Variants in CACNA1C observed in about 807,000 individuals in gnomAD.
CACNA1C encodes the protein voltage-dependent L-type calcium channel subunit alpha-1C.
CACNA1C carries 30 observed loss-of-function variants against 229.0 expected under a neutral mutation model. That is an observed-to-expected ratio of 0.13 (90% CI 0.10 to 0.18). CACNA1C has a LOEUF of 0.18. Among genes scored for constraint, CACNA1C ranks in the 10% least tolerant of loss-of-function variants. CACNA1C has a pLI of 1.00. For missense variants in CACNA1C, 1,658 were observed against 2,845.0 expected, an observed-to-expected ratio of 0.58 and a Z score of 9.49; for synonymous variants, 1,114 against 1,132.5, an observed-to-expected ratio of 0.98 and a Z score of 0.33.
chr12:2,506,682 C>G (rs1223260334), intron 8 of CACNA1C, among the ~76,000 whole-genome samples: 1 of 152,168 alleles, frequency 6.6e-6, no homozygotes, highest in Non-Finnish European at 1.5e-5. Flanking sequence ...GTGATTTGTA[C>G]AACGTCACTT....
intron 3 of CACNA1C, among the ~76,000 whole-genome samples, chr12:2,278,271 A>G (rs2089709288): frequency 6.6e-6 from 1 of 152,252 alleles, no homozygotes; most frequent in Non-Finnish European, 1.5e-5. Flanking sequence ...TATCTGAGGT[A>G]TAATTGGCAT....
chr12:2,137,877 C>T (rs552183422), intron 3 of CACNA1C, among the ~76,000 whole-genome samples: 4 of 151,408 alleles, frequency 2.6e-5, no homozygotes, highest in East Asian at 1.9e-4. Context: ...TGCCGGGGTC[C>T]GGGAGCGCCA....
intron 3 of CACNA1C, among the ~76,000 whole-genome samples, chr12:2,182,075 G>A (rs527368632): frequency 3.5e-5 from 5 of 144,740 alleles, no homozygotes; most frequent in African/African-American, 1.3e-4. Context: ...AGGTATTGGA[G>A]AAGGGATTTT....
Position 2,410,889 on chromosome 12 carries a change from G to A in CACNA1C, c.478-38087G>A, listed in dbSNP as rs957483933. Among the ~76,000 whole-genome samples, 1 of 146,678 alleles carries A rather than the reference G, an allele frequency of 6.8e-6. No individual in the cohort carries two copies. Among genetic ancestry groups the A allele is most frequent in the African/African-American group, 2.7e-5 (1 of 36,646 alleles). ...GCCTTCCTATCCTTCCCTTCTCCTG[G>A]CTGCCCTATCCTTCCCTTCTCCTGG... On this transcript the variant is annotated intron_variant, in intron 3 of 46. Coordinates refer to ENST00000399655, the MANE Select transcript of CACNA1C (RefSeq NM_000719.7). This position sits in a 1 kb window ranked among gnomAD's most constrained non-coding sequence, Gnocchi z 5.3.
chr12:2,425,675 C>A (rs1668944258), intron 3 of CACNA1C, among the ~76,000 whole-genome samples: 1 of 152,180 alleles, frequency 6.6e-6, no homozygotes, highest in Non-Finnish European at 1.5e-5. Flanking sequence ...GCACTTACCT[C>A]ATTTCCAGCC....
chr12:2,057,279 C>T (rs1203646138), intron 1 of CACNA1C, among the ~76,000 whole-genome samples: 1 of 152,198 alleles, frequency 6.6e-6, no homozygotes, highest in African/African-American at 2.4e-5. Flanking sequence ...TAGTACAGGC[C>T]GCTGCTCAGT....
At chr12:2,659,337 T>C (rs889519246) in intron 34 of CACNA1C, among the ~76,000 whole-genome samples, 1 of 152,248 alleles carries the variant, frequency 6.6e-6, no homozygotes, top group Non-Finnish European at 1.5e-5. Flanking sequence ...GTGTTCCAGT[T>C]TCCTGCAATA....
rs1047209063 is a variant in CACNA1C at position 2,654,418 on chromosome 12, G to A, written c.4140+518G>A. 6.6e-6 allele frequency among the ~76,000 whole-genome samples: 1 copy of A among 152,158 alleles called. No individual in the cohort carries two copies. Among genetic ancestry groups the A allele is most frequent in the Non-Finnish European group, 1.5e-5 (1 of 68,024 alleles). The stretch of plus-strand genomic sequence containing the variant: ...CATCAAATGTGCAGCAGTTTTCTGG[G>A]GCCTCCCCTCCCAGGTGCCCACTGC... On this transcript the variant is annotated intron_variant, in intron 33 of 46. Transcript: ENST00000399655. This position sits in a 1 kb window ranked among gnomAD's most constrained non-coding sequence, Gnocchi z 4.4.
In CACNA1C at chr12:2,692,771, A is replaced by G. The variant is rs1224349979; in HGVS notation, c.*1572A>G. 6.5e-6 allele frequency: 1 copy of G among 152,706 alleles called. No individual in the cohort carries two copies. The highest frequency in any genetic ancestry group is 1.9e-4 in the East Asian group (1 of 5,200). The allele number at this position is 152,706 out of a possible 1,614,324, so 9.5% of individuals were successfully genotyped here. A position where few individuals can be genotyped will look rare whatever the true frequency, so the allele number is the denominator to read the frequency against. ...TAATGTTTCTGTTGAAGAAACCGTTATACTTGAATTCAGGTCAGTTTCAGT... is the reference window on the plus strand; with the variant it reads ...TAATGTTTCTGTTGAAGAAACCGTTGTACTTGAATTCAGGTCAGTTTCAGT... On this transcript the variant is annotated 3_prime_UTR_variant, in exon 47 of 47. Transcript: ENST00000399655.
At chr12:2,685,085 T>G (rs900614517) in intron 43 of CACNA1C, among the ~76,000 whole-genome samples, 2 of 152,220 alleles carry the variant, frequency 1.3e-5, no homozygotes, top group Non-Finnish European at 2.9e-5. Context: ...GTGCAACGCA[T>G]GCACCGAGGG....
chr12:2,079,555 A>G (rs2064647407), intron 1 of CACNA1C, among the ~76,000 whole-genome samples: 1 of 152,184 alleles, frequency 6.6e-6, no homozygotes, highest in Admixed American at 6.5e-5. Flanking sequence ...CTCATGAGGA[A>G]CCATCTTTAT....
Position 2,690,966 on chromosome 12 carries a change from G to A in CACNA1C, c.6184G>A (p.Glu2062Lys). The change falls in exon 47 of 47, where the codon GAG becomes AAG. Residue 2062 changes from glutamate to lysine, a missense_variant. By Grantham distance (56) the Glu-to-Lys change is moderately conservative. Coordinates refer to ENST00000399655, the MANE Select transcript of CACNA1C (RefSeq NM_000719.7). ...CAAGTTCATCGAGGTCACCACCCAGGAGCTGGCCGACGCCTGCGACATGAC... is the reference window on the plus strand; with the variant it reads ...CAAGTTCATCGAGGTCACCACCCAGAAGCTGGCCGACGCCTGCGACATGAC... ...DPKFIEVTTQ[E>K]LADACDMTIE... The A allele has an allele frequency of 6.3e-7, 1 of 1,599,224 alleles. No homozygotes were observed. The highest frequency in any genetic ancestry group is 8.5e-7 in the Non-Finnish European group (1 of 1,172,714).
At chr12:2,120,656 CTGTGTGTGTGTGTGTG>C (rs112680750) in intron 3 of CACNA1C, among the ~76,000 whole-genome samples, 3 of 139,778 alleles carry the variant, frequency 2.1e-5, no homozygotes, top group Non-Finnish European at 4.6e-5. Context: ...GTGGTGAGCT[CTGTGTGTGTGTGTGTG>C]TGTGTGTGTG....
chr12:2,052,983 C>T (rs905255813), upstream of CACNA1C: 10 of 982,676 alleles, frequency 1.0e-5, no homozygotes, highest in Non-Finnish European at 1.1e-5. Context: ...CTCGCGCGCC[C>T]GGTGTCTCCC....
rs1244230187 is a variant in CACNA1C at position 2,067,798 on chromosome 12, A to G, written c.49+14187A>G. On this transcript the variant is annotated intron_variant, in intron 1 of 46. Transcript: ENST00000399655. The surrounding 1 kb of genome is among the most constrained non-coding windows in gnomAD (Gnocchi z 5.3). ...TGGGGCAATCAAGACCACAAGTGCC[A>G]ACCTCAGCGCACTCACCTGGAGAAT... Among the ~76,000 whole-genome samples the G allele has an allele frequency of 3.9e-5, 6 of 152,122 alleles. No homozygotes were observed. The highest frequency in any genetic ancestry group is 1.5e-5 in the Non-Finnish European group (1 of 68,024).
chr12:2,401,533 G>T (rs1341205615), intron 3 of CACNA1C, among the ~76,000 whole-genome samples: 3 of 152,182 alleles, frequency 2.0e-5, no homozygotes, highest in African/African-American at 7.2e-5. Context: ...AGAGCTAGCA[G>T]ACAGGAGAGC....
At chr12:2,061,692 G>A (rs529881606) in intron 1 of CACNA1C, among the ~76,000 whole-genome samples, 13 of 152,296 alleles carry the variant, frequency 8.5e-5, no homozygotes, top group African/African-American at 2.4e-4. Flanking sequence ...CCAAAGCCAC[G>A]CTGGCCTGAA....
In CACNA1C at chr12:2,692,188, C is replaced by G. The variant is rs567955976; in HGVS notation, c.*989C>G. 6.6e-6 allele frequency: 1 copy of G among 152,342 alleles called. No homozygotes were observed. The highest frequency in any genetic ancestry group is 1.9e-4 in the East Asian group (1 of 5,192). The allele number at this position is 152,342 out of a possible 1,614,324, so 9.4% of individuals were successfully genotyped here. A position where few individuals can be genotyped will look rare whatever the true frequency, so the allele number is the denominator to read the frequency against. The stretch of plus-strand genomic sequence containing the variant: ...TTGTGTATGCCCAATAATTTGTTAT[C>G]ATTTCCTTAGGTAGTAACCTATTTT... On this transcript the variant is annotated 3_prime_UTR_variant, in exon 47 of 47. Transcript: ENST00000399655.
chr12:2,637,003 T>A (rs1340345994), intron 30 of CACNA1C, among the ~76,000 whole-genome samples: 1 of 152,172 alleles, frequency 6.6e-6, no homozygotes, highest in Admixed American at 6.5e-5. Context: ...AACACCTATT[T>A]CAGAGCCACT....
Sources: gnomAD v4.1 joint callset for allele counts (sites outside exome capture counted in the v4.1 genomes callset) on GRCh38, gnomAD v4.1.1 for gene constraint, Gnocchi (gnomAD v3.1) non-coding constraint, MANE v1.5 for transcripts, NCBI Gene and HGNC (gene_info 2026-07-23, HGNC 2026-07-21) for gene names.